Variants in DTHD1 observed in about 807,000 individuals in gnomAD.
DTHD1 encodes death domain-containing protein 1.
A neutral mutation model predicts 74.8 loss-of-function variants in DTHD1; 59 were observed. That is an observed-to-expected ratio of 0.79 (90% CI 0.64 to 0.98). The LOEUF is 0.98. Among genes scored for constraint, DTHD1 ranks in the 50% least tolerant of loss-of-function variants. The pLI is 0.00. For synonymous variants in DTHD1, 365 were observed against 371.1 expected (o/e 0.98, Z 0.19); for missense variants, 1,051 against 1,065.4 (o/e 0.99, Z 0.19).
chr4:36,329,731 T>G (rs941717925), intron 8 of DTHD1, among the ~76,000 whole-genome samples: 3 of 152,288 alleles, frequency 2.0e-5, no homozygotes, highest in African/African-American at 7.2e-5. Context: ...AGTGAAACAA[T>G]GTTCTCTTTT....
intron 8 of DTHD1, among the ~76,000 whole-genome samples, chr4:36,321,685 G>C (rs918463098): frequency 2.0e-5 from 3 of 152,130 alleles, no homozygotes; most frequent in Non-Finnish European, 4.4e-5. Context: ...ATGGAAAAAT[G>C]GTCTTCTACG....
intron 9 of DTHD1, among the ~76,000 whole-genome samples, chr4:36,340,404 G>A (rs1220777060): frequency 1.3e-5 from 2 of 152,158 alleles, no homozygotes; most frequent in African/African-American, 4.8e-5. Flanking sequence ...ACATGGTTAA[G>A]ATTGAGTCAG....
At chr4:36,282,555 A>T (rs972216237) in intron 1 of DTHD1, among the ~76,000 whole-genome samples, 2 of 152,182 alleles carry the variant, frequency 1.3e-5, no homozygotes, top group Non-Finnish European at 2.9e-5. Context: ...ATCCCCATGC[A>T]CTGGGGCTGG....
In DTHD1 at chr4:36,306,259, G is replaced by A; in HGVS notation, c.1712G>A (p.Arg571Lys). The A allele has an allele frequency of 6.4e-7, 1 of 1,551,814 alleles. No homozygotes were observed. ...ASECLKLLGF[R>K]SQDSGWCGLD... ...GAATGTTTGAAATTACTGGGATTCA[G>A]AAGCCAAGACAGTGGTTGGTGTGGG... Residue 571 changes from arginine (R) to lysine (K), a missense_variant, in exon 6 of 10, where the codon AGA becomes AAA. Physicochemically the swap from Arg to Lys is conservative, Grantham distance 26. Transcript: ENST00000639862.
In DTHD1 at chr4:36,346,482, A is replaced by G. The variant is rs996230091; in HGVS notation, c.*2658A>G. On this transcript the variant is annotated 3_prime_UTR_variant, in exon 10 of 10. Transcript: ENST00000639862. ...TTACAGTAAAGCAATAAAAAGGTAC[A>G]TAGAGAAAACAATTGATCATCCCTG... Among the ~76,000 whole-genome samples the G allele has an allele frequency of 6.6e-6, 1 of 152,112 alleles. No individual in the cohort carries two copies. Among genetic ancestry groups the G allele is most frequent in the African/African-American group, 2.4e-5 (1 of 41,432 alleles).
intron 2 of DTHD1, among the ~76,000 whole-genome samples, chr4:36,287,776 A>G (rs1440851636): frequency 6.6e-6 from 1 of 152,162 alleles, no homozygotes; most frequent in African/African-American, 2.4e-5. Flanking sequence ...GACCATTTGC[A>G]TATCTTCTTT....
chr4:36,316,127 G>A (rs1040899870), intron 7 of DTHD1, 115 bp from the exon 8 acceptor site: 4 of 925,566 alleles, frequency 4.3e-6, no homozygotes. Flanking sequence ...AGTAGAGACG[G>A]GGTTTCACCA....
chr4:36,337,812 A>G (rs1439519993), intron 8 of DTHD1, among the ~76,000 whole-genome samples: 1 of 152,228 alleles, frequency 6.6e-6, no homozygotes, highest in Non-Finnish European at 1.5e-5. Flanking sequence ...ACTCATTAAC[A>G]TGTAACACTT....
In DTHD1 at chr4:36,293,533, G is replaced by T; in HGVS notation, c.1226G>T (p.Cys409Phe). 2.6e-6 allele frequency: 4 copies of T among 1,540,284 alleles called. No individual in the cohort carries two copies. The highest frequency in any genetic ancestry group is 2.6e-6 in the Non-Finnish European group (3 of 1,139,828). The stretch of plus-strand genomic sequence containing the variant: ...GTTCTTTATTCTATACAGGGGACCT[G>T]TGCTTCAGTAAAAGTTTACAAATTG... ...EGMKGGYKGT[C>F]ASVKVYKLGI... The change falls in exon 4 of 10, where the codon TGT becomes TTT. Residue 409 changes from cysteine to phenylalanine, a missense_variant. Cys to Phe is a radical substitution (Grantham distance 205). Coordinates refer to ENST00000639862, the MANE Select transcript of DTHD1 (RefSeq NM_001170700.3).
chr4:36,315,551 CAT>C (rs1022879106), intron 7 of DTHD1: 3 of 152,162 alleles, frequency 2.0e-5, no homozygotes, highest in African/African-American at 4.8e-5. Context: ...TAAATTGCCA[CAT>C]GTTATAGGAG....
intron 7 of DTHD1, chr4:36,311,267 C>G (rs1007203837): frequency 2.0e-4 from 31 of 152,254 alleles, no homozygotes; most frequent in African/African-American, 7.5e-4. Context: ...TTTGCTTTTC[C>G]TAGGGAGACA....
chr4:36,281,741 C>G lies in DTHD1; in HGVS notation c.-18C>G. On this transcript the variant is annotated 5_prime_UTR_variant, in exon 1 of 10. Transcript: ENST00000639862. The stretch of plus-strand genomic sequence containing the variant: ...GGCTTTGCTGGCAGGAGAGAAAATA[C>G]CACTTTTGGATCATAAAATGGATAT... 8.1e-7 allele frequency: 1 copy of G among 1,234,992 alleles called. No homozygotes were observed. The highest frequency in any genetic ancestry group is 1.0e-6 in the Non-Finnish European group (1 of 988,564). 76.5% of individuals were successfully genotyped at this position (1,234,992 alleles called of 1,614,324 possible). A position where few individuals can be genotyped will look rare whatever the true frequency, so the allele number is the denominator to read the frequency against.
intron 7 of DTHD1, among the ~76,000 whole-genome samples, chr4:36,314,326 G>A (rs970952735): frequency 6.6e-6 from 1 of 152,074 alleles, no homozygotes; most frequent in Admixed American, 6.6e-5. Flanking sequence ...ACTCTGGGCA[G>A]TCAACTGCAT....
chr4:36,305,663 A>T (rs988103827), intron 5 of DTHD1, among the ~76,000 whole-genome samples: 4 of 152,220 alleles, frequency 2.6e-5, no homozygotes, highest in Non-Finnish European at 5.9e-5. Context: ...TAATTTGCCC[A>T]TGGTCATACA....
At chr4:36,319,582 C>A (rs1757942465) in intron 8 of DTHD1, among the ~76,000 whole-genome samples, 1 of 152,176 alleles carries the variant, frequency 6.6e-6, no homozygotes, top group Non-Finnish European at 1.5e-5. Flanking sequence ...GGTTGGAATT[C>A]TCTGGCAAGA....
chr4:36,325,132 T>A (rs2109542289), intron 8 of DTHD1, among the ~76,000 whole-genome samples: 1 of 152,328 alleles, frequency 6.6e-6, no homozygotes, highest in Non-Finnish European at 1.5e-5. Context: ...GGCCTTTAAT[T>A]CCTTACTTAG....
Position 36,308,491 on chromosome 4 carries a change from CAAGT to C in DTHD1, c.2095+4_2095+7del. On this transcript the variant is annotated splice_donor_variant and coding_sequence_variant, in exon 7 of 10. Transcript: ENST00000639862. LOFTEE classifies it high-confidence loss of function. ...AGATTTACTGGAAACATATTTGCTT[CAAGT>C]AAGTATAAAGAAATCTTTTTATATA... 2 of 1,548,322 alleles carry C rather than the reference CAAGT, an allele frequency of 1.3e-6. No homozygotes were observed. Among genetic ancestry groups the C allele is most frequent in the Non-Finnish European group, 1.7e-6 (2 of 1,145,128 alleles).
At chr4:36,306,005 C>T (rs1371064436) in intron 5 of DTHD1, among the ~76,000 whole-genome samples, 186 bp from the exon 6 acceptor site, 6 of 152,164 alleles carry the variant, frequency 3.9e-5, no homozygotes, top group Admixed American at 6.5e-5. Flanking sequence ...TGTGTTACTA[C>T]GTGCTTCTTT....
At chr4:36,305,720 G>T (rs1251256030) in intron 5 of DTHD1, among the ~76,000 whole-genome samples, 2 of 152,110 alleles carry the variant, frequency 1.3e-5, no homozygotes, top group African/African-American at 4.8e-5. Context: ...GGGCAGTTTT[G>T]CTCCTGGGTG....
Sources: gnomAD v4.1 joint callset for allele counts (sites outside exome capture counted in the v4.1 genomes callset) on GRCh38, gnomAD v4.1.1 for gene constraint, MANE v1.5 for transcripts, NCBI Gene and HGNC (gene_info 2026-07-23, HGNC 2026-07-21) for gene names.